SDR16C5: variants seen among roughly 807,000 people sequenced by gnomAD.
SDR16C5 encodes short chain dehydrogenase/reductase family 16C member 5, also known as epidermal retinol dehydrogenase 2.
A neutral mutation model predicts 27.7 loss-of-function variants in SDR16C5; 20 were observed. The observed-to-expected ratio is 0.72, with a 90% CI of 0.51 to 1.05. The LOEUF (loss-of-function observed/expected upper bound fraction) is 1.05, where lower values mean the gene tolerates loss of function less well. SDR16C5 is among the 50% of genes least tolerant of loss of function. The pLI, the probability that SDR16C5 is intolerant of heterozygous loss-of-function variation, is 0.00. For missense variants in SDR16C5, 374 were observed against 366.3 expected, an observed-to-expected ratio of 1.02 and a Z score of -0.17; for synonymous variants, 139 against 132.3, an observed-to-expected ratio of 1.05 and a Z score of -0.35.
intron 4 of SDR16C5, among the ~76,000 whole-genome samples, chr8:56,308,507 G>C (rs1814940781): frequency 6.6e-6 from 1 of 152,146 alleles, no homozygotes; most frequent in African/African-American, 2.4e-5. Flanking sequence ...TTAACTTTAG[G>C]TATCTTGAGG....
intron 1 of SDR16C5, 130 bp from the exon 2 acceptor site, chr8:56,316,491 A>G (rs1015606330): frequency 2.7e-5 from 17 of 631,912 alleles, no homozygotes; most frequent in Admixed American, 2.6e-4. Flanking sequence ...CTCTCCTGGT[A>G]GCAGACTCTG....
At chr8:56,318,489 G>C (rs1333362635) in intron 1 of SDR16C5, among the ~76,000 whole-genome samples, 1 of 152,146 alleles carries the variant, frequency 6.6e-6, no homozygotes, top group Non-Finnish European at 1.5e-5. Context: ...AACCCTAGGC[G>C]CCCTTCTCAG....
At chr8:56,309,677 G>A (rs1009358024) in intron 3 of SDR16C5, 1 of 720,078 alleles carries the variant, frequency 1.4e-6, no homozygotes, top group Admixed American at 6.3e-5. Context: ...AGACAAGGAG[G>A]TGAGAAAAGG....
intron 3 of SDR16C5, among the ~76,000 whole-genome samples, chr8:56,311,861 T>G (rs1815052263): frequency 6.6e-6 from 1 of 152,248 alleles, no homozygotes; most frequent in African/African-American, 2.4e-5. Flanking sequence ...CTCACCGAGC[T>G]GTTTTAAGGA....
chr8:56,312,701 T>C (rs1454395116), intron 2 of SDR16C5, among the ~76,000 whole-genome samples: 1 of 150,824 alleles, frequency 6.6e-6, no homozygotes, highest in African/African-American at 2.4e-5. Context: ...TGAGACTGCA[T>C]CTAAAAAAAT....
At chr8:56,309,099 A>C in intron 3 of SDR16C5, 72 bp from the exon 4 acceptor site, 1 of 1,160,882 alleles carries the variant, frequency 8.6e-7, no homozygotes, top group East Asian at 2.7e-5. Flanking sequence ...TTATATACTC[A>C]TTGTGATTAA....
At chr8:56,309,551 A>G (rs1814972184) in intron 3 of SDR16C5, 1 of 985,078 alleles carries the variant, frequency 1.0e-6, no homozygotes, top group Non-Finnish European at 1.2e-6. Flanking sequence ...ACACATCTGT[A>G]TTCTGTCCAA....
In SDR16C5 at chr8:56,302,283, A is replaced by G. The variant is rs186516017; in HGVS notation, c.837-710T>C. 3.7e-4 allele frequency among the ~76,000 whole-genome samples: 57 copies of G among 152,306 alleles called. No individual in the cohort carries two copies. The East Asian group carries it at 0.01, about 27-fold the overall frequency. The stretch of plus-strand genomic sequence containing the variant: ...TGTTCCCCTGTTTGGGCACCCCAAG[A>G]TCTCCAGGTGGTTCATCCCTCCCAC... On this transcript the variant is annotated intron_variant, in intron 6 of 6. Transcript: ENST00000303749.
At chr8:56,314,167 A>G (rs1355317739) in intron 2 of SDR16C5, among the ~76,000 whole-genome samples, 1 of 151,790 alleles carries the variant, frequency 6.6e-6, no homozygotes, top group Non-Finnish European at 1.5e-5. Context: ...AGATCATGCC[A>G]CTGCACTCCA....
chr8:56,319,280 C>A (rs1815274613), intron 1 of SDR16C5, among the ~76,000 whole-genome samples: 1 of 152,066 alleles, frequency 6.6e-6, no homozygotes, highest in Non-Finnish European at 1.5e-5. Flanking sequence ...TGTGGCACAG[C>A]CATAAAACAT....
chr8:56,307,933 A>G (rs1408370802), intron 4 of SDR16C5, among the ~76,000 whole-genome samples: 1 of 152,156 alleles, frequency 6.6e-6, no homozygotes, highest in African/African-American at 2.4e-5. Flanking sequence ...TCTGAAAAGG[A>G]TTGATAAGGA....
chr8:56,311,736 T>G (rs1304517697), intron 3 of SDR16C5, among the ~76,000 whole-genome samples: 2 of 152,204 alleles, frequency 1.3e-5, no homozygotes, highest in Non-Finnish European at 2.9e-5. Context: ...ATGCTGAATT[T>G]CACTTCCAAA....
chr8:56,301,926 T>C (rs1814766777), intron 6 of SDR16C5, among the ~76,000 whole-genome samples: 1 of 152,068 alleles, frequency 6.6e-6, no homozygotes, highest in Admixed American at 6.6e-5. Context: ...AGCTCTGTCA[T>C]TTGCAGTGCC....
intron 3 of SDR16C5, among the ~76,000 whole-genome samples, chr8:56,311,806 G>A (rs146156276): frequency 5.3e-4 from 81 of 152,322 alleles, no homozygotes; most frequent in African/African-American, 1.8e-3. Flanking sequence ...GCAGTTGCTC[G>A]CTATGTAGCC....
At position 56,319,124 on chromosome 8, in the gene SDR16C5, G is replaced by GAAAAAAAAAAAAA; in HGVS notation, c.-15+922_-15+934dup. ...TTGTGTGAAACCTTCGAACAAATTA[G>GAAAAAAAAAAAAA]AAAAAAAAAAAAAAAAAGGCATTGC... On this transcript the variant is annotated intron_variant, in intron 1 of 6. Transcript: ENST00000303749. Among the ~76,000 whole-genome samples, 2 of 134,858 alleles carry GAAAAAAAAAAAAA rather than the reference G, an allele frequency of 1.5e-5. 1 individual carries two copies. The highest frequency in any genetic ancestry group is 3.1e-5 in the Non-Finnish European group (2 of 64,076). The allele number at this position is 134,858 out of a possible 152,430, so 88.5% of individuals were successfully genotyped here. A position where few individuals can be genotyped will look rare whatever the true frequency, so the allele number is the denominator to read the frequency against.
chr8:56,308,736 G>A (rs1814948611), intron 4 of SDR16C5, among the ~76,000 whole-genome samples, 192 bp downstream of exon 4: 1 of 152,194 alleles, frequency 6.6e-6, no homozygotes, highest in African/African-American at 2.4e-5. Context: ...AAAGGGCATA[G>A]TCCAATTTCA....
At chr8:56,312,431 G>A (rs374144588) in intron 2 of SDR16C5, 143 bp from the exon 3 acceptor site, 30 of 717,806 alleles carry the variant, frequency 4.2e-5, no homozygotes, top group East Asian at 3.5e-4. Flanking sequence ...GGGGCCAGGC[G>A]CAGTGGCTCA....
intron 1 of SDR16C5, among the ~76,000 whole-genome samples, chr8:56,317,159 G>A (rs1402639094): frequency 1.3e-5 from 2 of 152,062 alleles, no homozygotes; most frequent in East Asian, 1.9e-4. Context: ...TATTGGTCCC[G>A]TGGCATAGGG....
At chr8:56,313,622 A>C (rs975341875) in intron 2 of SDR16C5, among the ~76,000 whole-genome samples, 1 of 152,264 alleles carries the variant, frequency 6.6e-6, no homozygotes, top group Non-Finnish European at 1.5e-5. Context: ...AATCTGTCCC[A>C]TAATGTGGGA....
Sources: gnomAD v4.1 joint callset for allele counts (sites outside exome capture counted in the v4.1 genomes callset) on GRCh38, gnomAD v4.1.1 for gene constraint, MANE v1.5 for transcripts, NCBI Gene and HGNC (gene_info 2026-07-23, HGNC 2026-07-21) for gene names.